The following INSR variants were observed in gnomAD, a reference collection of about 807,000 sequenced individuals.
The protein encoded by INSR is insulin receptor, also known as IR.
In INSR, 67 loss-of-function variants were observed where a neutral mutation model predicts 142.6. That is an observed-to-expected ratio of 0.47 (90% CI 0.39 to 0.58). The LOEUF (loss-of-function observed/expected upper bound fraction) is 0.58. Ranked by LOEUF, INSR falls within the 20% of genes least tolerant of loss-of-function variation. The pLI is 0.00. For synonymous variants in INSR, 756 were observed against 743.1 expected (o/e 1.02, Z -0.28); for missense variants, 1,248 against 1,833.2 (o/e 0.68, Z 5.83).
In INSR at chr19:7,150,783, T is replaced by C. The variant is rs1330979978; in HGVS notation, c.2232-251A>G. Among the ~76,000 whole-genome samples the C allele has an allele frequency of 6.6e-6, 1 of 152,220 alleles. No homozygotes were observed. The highest frequency in any genetic ancestry group is 1.5e-5 in the Non-Finnish European group (1 of 68,038). On this transcript the variant is annotated intron_variant, in intron 10 of 21. Transcript: ENST00000302850. The surrounding 1 kb of genome is among the most constrained non-coding windows in gnomAD (Gnocchi z 4.2). ...ACGGCCTGCTGAGGTGGCCCTGGGA[T>C]GTCAAACGTGACTACATGTGGACAT...
chr19:7,150,474 G>T lies in INSR; in HGVS notation c.2267+23C>A. The T allele has an allele frequency of 6.2e-7, 1 of 1,613,286 alleles. No homozygotes were observed. The highest frequency in any genetic ancestry group is 8.5e-7 in the Non-Finnish European group (1 of 1,179,302). ...CCGGCCCTGCGCGGAGCAGGCACCA[G>T]GGGTCGCACAGGTGAGTCATACCTA... On this transcript the variant is annotated intron_variant, in intron 11 of 21. Coordinates refer to ENST00000302850, the MANE Select transcript of INSR (RefSeq NM_000208.4). The surrounding 1 kb of genome is among the most constrained non-coding windows in gnomAD (Gnocchi z 4.2).
intron 9 of INSR, among the ~76,000 whole-genome samples, chr19:7,162,533 G>A (rs1182927008): frequency 1.4e-5 from 2 of 144,922 alleles, no homozygotes; most frequent in East Asian, 2.1e-4. Flanking sequence ...AAAATAGGCC[G>A]GGTGTGGTGG....
chr19:7,211,493 A>T (rs1050274665), intron 2 of INSR, among the ~76,000 whole-genome samples: 1 of 152,172 alleles, frequency 6.6e-6, no homozygotes, highest in Non-Finnish European at 1.5e-5. Flanking sequence ...TTTGAAAAGG[A>T]CGTGCATTCC....
At chr19:7,175,096 G>A (rs548363494) in intron 3 of INSR, among the ~76,000 whole-genome samples, 6 of 151,982 alleles carry the variant, frequency 3.9e-5, no homozygotes, top group East Asian at 3.9e-4. Context: ...CACCCGCCTC[G>A]GCCTCCCAAA....
At chr19:7,223,192 C>T (rs1051529626) in intron 2 of INSR, among the ~76,000 whole-genome samples, 1 of 151,982 alleles carries the variant, frequency 6.6e-6, no homozygotes, top group African/African-American at 2.4e-5. Flanking sequence ...CAAAGACAAA[C>T]AAACAAAAAA....
intron 2 of INSR, among the ~76,000 whole-genome samples, chr19:7,208,781 G>A (rs1300160364): frequency 2.6e-5 from 4 of 151,746 alleles, no homozygotes; most frequent in African/African-American, 9.7e-5. Flanking sequence ...CGAAGTGGGC[G>A]GATCACGAGG....
intron 2 of INSR, among the ~76,000 whole-genome samples, chr19:7,244,415 C>T (rs1454951097): frequency 6.6e-6 from 1 of 151,948 alleles, no homozygotes. Flanking sequence ...TGCCTATAAT[C>T]CCAGCTACTC....
chr19:7,265,666 C>G (rs1568227767), intron 2 of INSR, among the ~76,000 whole-genome samples: 1 of 149,306 alleles, frequency 6.7e-6, no homozygotes, highest in Non-Finnish European at 1.5e-5. Flanking sequence ...ACCCGGGAGG[C>G]AGAGGTTGCA....
chr19:7,248,929 A>T (rs77163996), intron 2 of INSR, among the ~76,000 whole-genome samples: 40,302 of 151,248 alleles, frequency 0.27, 6,644 homozygotes, highest in African/African-American at 0.46. Context: ...CCAGCTAATT[A>T]AGTATTTTTA....
chr19:7,165,965 G>A (rs1973878719), intron 8 of INSR, among the ~76,000 whole-genome samples, 189 bp downstream of exon 8: 1 of 150,912 alleles, frequency 6.6e-6, no homozygotes, highest in Non-Finnish European at 1.5e-5. Flanking sequence ...GGAGTTTGAG[G>A]CTGCAGTGAG....
chr19:7,166,266 G>A lies in INSR; in HGVS notation c.1749C>T (p.Leu583=), dbSNP rs1358006797. The A allele has an allele frequency of 4.3e-6, 7 of 1,614,008 alleles. No homozygotes were observed. The highest frequency in any genetic ancestry group is 2.7e-5 in the African/African-American group (2 of 74,908). ...AGATGGCATACTGGGTCCAGGGCTT[G>A]AGACCCCGCATCAGCCACCCTGGGT... is the stretch of plus-strand genomic sequence containing the variant. ...QNHPGWLMRG[L]KPWTQYAIFV... The change falls in exon 8 of 22, where the codon CTC becomes CTT. Residue 583 remains leucine, a synonymous_variant. Coordinates refer to ENST00000302850, the MANE Select transcript of INSR (RefSeq NM_000208.4). This position sits in a 1 kb window ranked among gnomAD's most constrained non-coding sequence, Gnocchi z 4.1.
At chr19:7,211,359 C>T (rs1335513709) in intron 2 of INSR, among the ~76,000 whole-genome samples, 1 of 152,172 alleles carries the variant, frequency 6.6e-6, no homozygotes, top group Non-Finnish European at 1.5e-5. Context: ...GAGGGAGGCA[C>T]TGCGCTGTCT....
At chr19:7,254,719 G>A (rs1035930365) in intron 2 of INSR, among the ~76,000 whole-genome samples, 1 of 152,186 alleles carries the variant, frequency 6.6e-6, no homozygotes, top group South Asian at 2.1e-4. Context: ...CTGCCAGCCT[G>A]ACGCACAGGC....
At chr19:7,153,458 GCCACACA>G (rs1234222786) in intron 9 of INSR, among the ~76,000 whole-genome samples, 1 of 88,762 alleles carries the variant, frequency 1.1e-5, no homozygotes, top group Non-Finnish European at 2.4e-5. Flanking sequence ...CCACACCCAC[GCCACACA>G]CCACACACAC....
chr19:7,219,744 A>G (rs1205718656), intron 2 of INSR, among the ~76,000 whole-genome samples: 2 of 152,196 alleles, frequency 1.3e-5, no homozygotes, highest in Admixed American at 6.6e-5. Flanking sequence ...TAGGACAAGG[A>G]CACTTTCAGG....
At chr19:7,124,291 T>C (rs10418842) in intron 17 of INSR, among the ~76,000 whole-genome samples, 135,384 of 149,086 alleles carry the variant, frequency 0.91, 61,481 homozygotes, top group East Asian at 1. Context: ...ATTGCTTGAA[T>C]CCAGCAGGCA....
At chr19:7,290,115 A>G (rs76033454) in intron 1 of INSR, among the ~76,000 whole-genome samples, 9,273 of 152,104 alleles carry the variant, frequency 0.061, 634 homozygotes, top group African/African-American at 0.14. Flanking sequence ...AATAAGAATA[A>G]CTGCAGAGGC....
intron 2 of INSR, among the ~76,000 whole-genome samples, chr19:7,248,754 A>ATTTTTTTTTTTTTTTTTTTT (rs552940485): frequency 5.1e-5 from 5 of 97,274 alleles, no homozygotes; most frequent in African/African-American, 1.8e-4. Context: ...GTTGGCCAGA[A>ATTTTTTTTTTTTTTTTTTTT]TTTTTTTTTT....
chr19:7,220,315 G>T (rs937654673), intron 2 of INSR, among the ~76,000 whole-genome samples: 5 of 152,124 alleles, frequency 3.3e-5, no homozygotes, highest in African/African-American at 1.2e-4. Context: ...TTTTGAGATG[G>T]AGTCTCGCTC....
Sources: allele counts gnomAD v4.1 joint callset (sites outside exome capture counted in the v4.1 genomes callset), GRCh38; gene constraint gnomAD v4.1.1; non-coding constraint Gnocchi (gnomAD v3.1); transcripts MANE v1.5; gene names NCBI Gene and HGNC (gene_info 2026-07-23, HGNC 2026-07-21).